The following PLIN4 variants were observed in gnomAD, a reference collection of about 807,000 sequenced individuals.
The protein encoded by PLIN4 is perilipin-4.
Under a neutral mutation model 52.4 loss-of-function variants are expected in PLIN4, and 57 were observed. The ratio of observed to expected loss-of-function variants is 1.09; its 90% CI spans 0.88 to 1.36. PLIN4 has a LOEUF of 1.36. Ranked by LOEUF, PLIN4 falls within the 40% of genes most tolerant of loss-of-function variation. PLIN4 has a pLI of 0.00. For missense variants in PLIN4, 1,757 were observed against 1,770.3 expected, an observed-to-expected ratio of 0.99 and a Z score of 0.13; for synonymous variants, 826 against 785.4, an observed-to-expected ratio of 1.05 and a Z score of -0.86.
At chr19:4,506,160 C>T (rs185328667) in intron 6 of PLIN4, among the ~76,000 whole-genome samples, 5 of 152,278 alleles carry the variant, frequency 3.3e-5, no homozygotes, top group East Asian at 1.9e-4. Context: ...TCAGGCCGCT[C>T]CTCTGCCCAG....
rs377524806 is a variant in PLIN4 at position 4,513,297 on chromosome 19, C to T, written c.663G>A (p.Gln221=). ...GAVNLAKGTV[Q]TGVETSKAVL... ...CAGCCTTGGAGGTTTCCACGCCAGT[C>T]TGGACAGTCCCTTTGGCCAAGTTCA... The change falls in exon 5 of 8, where the codon CAG becomes CAA. Residue 221 remains glutamine (Q), a synonymous_variant. Coordinates refer to ENST00000301286, the MANE Select transcript of PLIN4 (RefSeq NM_001367868.2). 1.2e-6 allele frequency: 2 copies of T among 1,613,662 alleles called. No individual in the cohort carries two copies. The highest frequency in any genetic ancestry group is 1.7e-6 in the Non-Finnish European group (2 of 1,179,840).
rs1976006435 is a variant in PLIN4, at chr19:4,503,962, C to T, written c.*497G>A. On this transcript the variant is annotated 3_prime_UTR_variant, in exon 8 of 8. Transcript: ENST00000301286. ...GACCCTCAAGGTGTGTGTGCTAAGG[C>T]CGGAGACCCACTTTCAGCATGAGAA... is the stretch of plus-strand genomic sequence containing the variant. 1 of 154,258 alleles carries T rather than the reference C, an allele frequency of 6.5e-6. No individual in the cohort carries two copies. The highest frequency in any genetic ancestry group is 2.1e-4 in the South Asian group (1 of 4,872). The allele number at this position is 154,258 out of a possible 1,614,324, so 9.6% of individuals were successfully genotyped here.
At chr19:4,510,377 C>A (rs8105610) in intron 5 of PLIN4, 69 bp downstream of exon 5, 501,836 of 1,197,706 alleles carry the variant, frequency 0.42, 61,936 homozygotes, top group Admixed American at 0.48. Flanking sequence ...AAAAAAAAAA[C>A]AAAACAGTCA....
chr19:4,503,066 G>A lies in PLIN4; in HGVS notation c.*1393C>T, dbSNP rs1234301237. 4 of 152,202 alleles carry A rather than the reference G, an allele frequency of 2.6e-5. No homozygotes were observed. The highest frequency in any genetic ancestry group is 1.9e-4 in the East Asian group (1 of 5,184). The allele number at this position is 152,202 out of a possible 1,614,324, so 9.4% of individuals were successfully genotyped here. A position where few individuals can be genotyped will look rare whatever the true frequency, so the allele number is the denominator to read the frequency against. On this transcript the variant is annotated 3_prime_UTR_variant, in exon 8 of 8. Coordinates refer to ENST00000301286, the MANE Select transcript of PLIN4 (RefSeq NM_001367868.2). ...AGGCTCCTGACCCGTCCCCTCTCAC[G>A]GCCCGTCACCTGAGGCAGTCCTTGC...
chr19:4,508,763 C>A lies in PLIN4; in HGVS notation c.3702+5G>T. 6.4e-7 allele frequency: 1 copy of A among 1,573,382 alleles called. No homozygotes were observed. The highest frequency in any genetic ancestry group is 8.6e-7 in the Non-Finnish European group (1 of 1,160,118). On this transcript the variant is annotated splice_donor_5th_base_variant and intron_variant, in intron 6 of 7. Transcript: ENST00000301286. ...GACGGGGCAGCAGCAGGGGGAAGCT[C>A]TTACCAGCCTGAAGCAGTCCTGGAG... is the stretch of plus-strand genomic sequence containing the variant.
chr19:4,504,815 G>C (rs1289970625), intron 7 of PLIN4, 30 bp from the exon 8 acceptor site: 1 of 1,604,670 alleles, frequency 6.2e-7, no homozygotes, highest in Middle Eastern at 1.7e-4. Flanking sequence ...GGTGAGTGGA[G>C]ACCCATGGGC....
chr19:4,511,175 C>G lies in PLIN4; in HGVS notation c.2785G>C (p.Asp929His). 6.2e-7 allele frequency: 1 copy of G among 1,612,310 alleles called. No homozygotes were observed. The highest frequency in any genetic ancestry group is 1.1e-5 in the South Asian group (1 of 90,922). Residue 929 changes from aspartate (D) to histidine (H), a missense_variant, in exon 5 of 8, where the codon GAC (aspartate) becomes CAC (histidine). Physicochemically the swap from Asp to His is moderately conservative, Grantham distance 81. This residue lies in a region of PLIN4 where 712 missense variants were observed against 637.1 expected (regional missense o/e 1.12). Transcript: ENST00000301286. ...CCAGTGACTCCACTGCAGACGGTGT[C>G]CTTGGTACCGGTCAGGACAGTCTTG... ...TSKTVLTGTK[D>H]TVCSGVTGAV...
At chr19:4,507,003 A>C (rs1476559081) in intron 6 of PLIN4, among the ~76,000 whole-genome samples, 1 of 152,138 alleles carries the variant, frequency 6.6e-6, no homozygotes, top group Non-Finnish European at 1.5e-5. Flanking sequence ...CACCCTGGGC[A>C]CTGCAGGGTG....
In PLIN4 at chr19:4,504,126, C is replaced by G; in HGVS notation, c.*333G>C. On this transcript the variant is annotated 3_prime_UTR_variant, in exon 8 of 8. Coordinates refer to ENST00000301286, the MANE Select transcript of PLIN4 (RefSeq NM_001367868.2). ...CAAACAGATGCCCTTCCAGGCTGGG[C>G]ACGCTGCTTTTTCTCTTTCCTAATT... The G allele has an allele frequency of 3.8e-6, 1 of 262,708 alleles. No homozygotes were observed. Among genetic ancestry groups the G allele is most frequent in the Non-Finnish European group, 7.2e-6 (1 of 139,836 alleles). 16.3% of individuals were successfully genotyped at this position (262,708 alleles called of 1,614,324 possible).
At chr19:4,516,873 C>T (rs905551843) in intron 3 of PLIN4, among the ~76,000 whole-genome samples, 195 bp from the exon 4 acceptor site, 2 of 152,232 alleles carry the variant, frequency 1.3e-5, no homozygotes, top group South Asian at 2.1e-4. Flanking sequence ...GGGGCTCCCC[C>T]CAAGCCCAGG....
At chr19:4,514,032 C>T (rs557535293) in intron 4 of PLIN4, among the ~76,000 whole-genome samples, 1 of 152,348 alleles carries the variant, frequency 6.6e-6, no homozygotes. Flanking sequence ...CAGCCAGGGT[C>T]CCCAGGCCTG....
chr19:4,508,860 G>T lies in PLIN4; in HGVS notation c.3610C>A (p.Gln1204Lys). 1.2e-6 allele frequency: 2 copies of T among 1,612,366 alleles called. No individual in the cohort carries two copies. Among genetic ancestry groups the T allele is most frequent in the Non-Finnish European group, 1.7e-6 (2 of 1,179,524 alleles). The change falls in exon 6 of 8, where the codon CAG (glutamine) becomes AAG (lysine). Residue 1204 changes from glutamine (Q) to lysine (K), a missense_variant. Coordinates refer to ENST00000301286, the MANE Select transcript of PLIN4 (RefSeq NM_001367868.2). ...CTCACCGCGTGTTCAAATGCCCGCT[G>T]GCGGAAGCTGGGACCCAGGTCACCT... ...RLGDLGPSFR[Q>K]RAFEHAVSHL...
chr19:4,518,094 C>A, intron 2 of PLIN4, 128 bp downstream of exon 2: 1 of 822,518 alleles, frequency 1.2e-6, no homozygotes, highest in East Asian at 3.3e-5. Context: ...GGCTCCCAGA[C>A]CGCCCCCACC....
In PLIN4 at chr19:4,508,840, C is replaced by G. The variant is rs373090224; in HGVS notation, c.3630G>C (p.Ala1210=). Residue 1210 remains alanine, a synonymous_variant, in exon 6 of 8, where the codon GCG becomes GCC. Coordinates refer to ENST00000301286, the MANE Select transcript of PLIN4 (RefSeq NM_001367868.2). ...PSFRQRAFEH[A]VSHLQHGQFQ... is the part of the protein sequence containing the mutation. ...ACTGGCCGTGCTGCAGGTGGCTCAC[C>G]GCGTGTTCAAATGCCCGCTGGCGGA... 2.5e-6 allele frequency: 4 copies of G among 1,609,164 alleles called. No individual in the cohort carries two copies. Among genetic ancestry groups the G allele is most frequent in the Non-Finnish European group, 2.5e-6 (3 of 1,178,058 alleles).
chr19:4,512,220 C>T lies in PLIN4; in HGVS notation c.1740G>A (p.Lys580=), dbSNP rs112336185. The change falls in exon 5 of 8, where the codon AAG becomes AAA. Residue 580 remains lysine (K), a synonymous_variant. Coordinates refer to ENST00000301286, the MANE Select transcript of PLIN4 (RefSeq NM_001367868.2). ...TGLTGAANVA[K]GAVQTGVDTA... Reference sequence around the variant, plus strand: ...TGTCTACACCTGTCTGGACAGCCCCCTTGGCCACATTCGCTGCCCCCGTGA... The same window carrying T: ...TGTCTACACCTGTCTGGACAGCCCCTTTGGCCACATTCGCTGCCCCCGTGA... 1,228 of 1,610,130 alleles carry T rather than the reference C, an allele frequency of 7.6e-4. 9 individuals carry two copies. Among genetic ancestry groups the T allele is most frequent in the Middle Eastern group, 9.9e-4 (6 of 6,052 alleles).
At position 4,512,254 on chromosome 19, in the gene PLIN4, G is replaced by T; in HGVS notation, c.1706C>A (p.Ser569Tyr). ...SVVIGTKDTM[S>Y]TGLTGAANVA... ...ATTCGCTGCCCCCGTGAGCCCAGTG[G>T]ACATCGTGTCTTTTGTACCTATGAC... Residue 569 changes from serine to tyrosine, a missense_variant, in exon 5 of 8, where the codon TCC becomes TAC. Around this residue, in one of 7 missense-constraint regions of PLIN4, gnomAD observed 439 missense variants for 406.4 expected, o/e 1.08. Coordinates refer to ENST00000301286, the MANE Select transcript of PLIN4 (RefSeq NM_001367868.2). The T allele has an allele frequency of 6.2e-7, 1 of 1,609,472 alleles. No homozygotes were observed. Among genetic ancestry groups the T allele is most frequent in the Non-Finnish European group, 8.5e-7 (1 of 1,179,046 alleles).
chr19:4,517,490 G>A, intron 3 of PLIN4, 64 bp downstream of exon 3: 1 of 1,538,998 alleles, frequency 6.5e-7, no homozygotes, highest in Non-Finnish European at 8.8e-7. Flanking sequence ...CCTGCCCGGG[G>A]AGCTCCTTCT....
At chr19:4,506,211 G>C (rs1444301181) in intron 6 of PLIN4, among the ~76,000 whole-genome samples, 1 of 152,182 alleles carries the variant, frequency 6.6e-6, no homozygotes, top group Non-Finnish European at 1.5e-5. Flanking sequence ...TCGAAGCCCA[G>C]GTCCGGCCCA....
At chr19:4,513,848 C>T (rs1976513690) in intron 4 of PLIN4, 147 bp from the exon 5 acceptor site, 1 of 1,032,346 alleles carries the variant, frequency 9.7e-7, no homozygotes, top group Non-Finnish European at 1.4e-6. Context: ...CAAGCTGCTT[C>T]CTCCTCACCC....
Sources: gnomAD v4.1 joint callset for allele counts (sites outside exome capture counted in the v4.1 genomes callset) on GRCh38, gnomAD v4.1.1 for gene constraint, gnomAD v4.1.1 regional missense constraint, MANE v1.5 for transcripts, NCBI Gene and HGNC (gene_info 2026-07-23, HGNC 2026-07-21) for gene names.